ACVR1: variants seen among roughly 807,000 people sequenced by gnomAD.
ACVR1 encodes the protein activin A receptor type 1.
Under a neutral mutation model 57.1 loss-of-function variants are expected in ACVR1, and 38 were observed. The ratio of observed to expected loss-of-function variants is 0.67; its 90% CI spans 0.51 to 0.87. ACVR1 has a LOEUF of 0.87. Ranked by LOEUF, ACVR1 falls within the 40% of genes least tolerant of loss-of-function variation. ACVR1 has a pLI of 0.00. For missense variants in ACVR1, 463 were observed against 638.2 expected (o/e 0.73, Z 2.96); for synonymous variants, 212 against 228.1 (o/e 0.93, Z 0.63).
intron 9 of ACVR1, among the ~76,000 whole-genome samples, chr2:157,753,953 G>A (rs1026989976): frequency 2.0e-5 from 3 of 152,120 alleles, no homozygotes; most frequent in Non-Finnish European, 2.9e-5. Flanking sequence ...AACTCCAAAA[G>A]GAACCTTCAA....
intron 1 of ACVR1, among the ~76,000 whole-genome samples, chr2:157,823,672 T>C (rs1174980318): frequency 6.6e-6 from 1 of 151,816 alleles, no homozygotes; most frequent in Non-Finnish European, 1.5e-5. Flanking sequence ...GGGCCCGCTA[T>C]GGTTTACTTA....
At chr2:157,748,833 G>GA (rs1361902634) in intron 9 of ACVR1, among the ~76,000 whole-genome samples, 1 of 152,098 alleles carries the variant, frequency 6.6e-6, no homozygotes, top group Non-Finnish European at 1.5e-5. Context: ...CTACCTCACA[G>GA]AAAGTCCTCA....
At chr2:157,844,585 C>T (rs1380452868) in intron 1 of ACVR1, among the ~76,000 whole-genome samples, 1 of 152,166 alleles carries the variant, frequency 6.6e-6, no homozygotes. Context: ...TTTTACTTGA[C>T]ACTTTTCATT....
chr2:157,845,848 G>T (rs1480525340), intron 1 of ACVR1, among the ~76,000 whole-genome samples: 1 of 152,162 alleles, frequency 6.6e-6, no homozygotes, highest in Non-Finnish European at 1.5e-5. Flanking sequence ...TAGCCAATGG[G>T]GAGTCACCAA....
chr2:157,751,747 A>G (rs1439714553), intron 9 of ACVR1, among the ~76,000 whole-genome samples: 1 of 151,976 alleles, frequency 6.6e-6, no homozygotes, highest in Non-Finnish European at 1.5e-5. Flanking sequence ...TGGGAACATA[A>G]CTCCACTGAC....
chr2:157,741,922 T>A (rs1448579413), intron 9 of ACVR1, among the ~76,000 whole-genome samples: 4 of 151,924 alleles, frequency 2.6e-5, no homozygotes, highest in Admixed American at 6.5e-5. Context: ...GCAGAAAAGA[T>A]GACAGGGAAG....
chr2:157,743,591 A>T (rs775800501), intron 9 of ACVR1, among the ~76,000 whole-genome samples: 2 of 152,056 alleles, frequency 1.3e-5, no homozygotes, highest in Middle Eastern at 3.4e-3. Context: ...TTTACATTTT[A>T]TAAAGGTAAT....
chr2:157,829,472 C>T (rs1688507284), intron 1 of ACVR1, among the ~76,000 whole-genome samples: 1 of 152,214 alleles, frequency 6.6e-6, no homozygotes, highest in African/African-American at 2.4e-5. Context: ...GTAACGCTCA[C>T]TAGTGCCTCT....
At chr2:157,830,465 G>A (rs1688542691) in intron 1 of ACVR1, among the ~76,000 whole-genome samples, 1 of 152,054 alleles carries the variant, frequency 6.6e-6, no homozygotes, top group South Asian at 2.1e-4. Flanking sequence ...TATAGACAAA[G>A]AGAACTACCA....
intron 1 of ACVR1, among the ~76,000 whole-genome samples, chr2:157,834,841 C>T (rs1387923464): frequency 4.6e-5 from 7 of 152,084 alleles, no homozygotes; most frequent in Middle Eastern, 3.4e-3. Context: ...GATGAGTGCC[C>T]CTGTGGATTT....
At chr2:157,758,234 C>A (rs1685508740) in intron 9 of ACVR1, among the ~76,000 whole-genome samples, 1 of 151,880 alleles carries the variant, frequency 6.6e-6, no homozygotes, top group Non-Finnish European at 1.5e-5. Flanking sequence ...AAAGAGACCA[C>A]AAAAGGTCAG....
At chr2:157,811,578 C>T (rs1687754116) in intron 2 of ACVR1, among the ~76,000 whole-genome samples, 2 of 152,168 alleles carry the variant, frequency 1.3e-5, no homozygotes, top group Non-Finnish European at 2.9e-5. Context: ...TTATTTCCTC[C>T]ATTCCCATTT....
At chr2:157,810,904 C>T (rs547404747) in intron 2 of ACVR1, among the ~76,000 whole-genome samples, 4 of 152,298 alleles carry the variant, frequency 2.6e-5, no homozygotes, top group South Asian at 2.1e-4. Context: ...TAAGGTTCTA[C>T]GTCGTTTTAG....
intron 8 of ACVR1, among the ~76,000 whole-genome samples, chr2:157,764,876 A>G (rs939928666): frequency 6.6e-6 from 1 of 152,164 alleles, no homozygotes; most frequent in African/African-American, 2.4e-5. Context: ...TAATTTCTCA[A>G]TGTAAAAGCA....
At chr2:157,793,208 C>T (rs1686986092) in intron 3 of ACVR1, among the ~76,000 whole-genome samples, 2 of 152,176 alleles carry the variant, frequency 1.3e-5, no homozygotes, top group Admixed American at 1.3e-4. Context: ...CTGCACTGCA[C>T]ACTGTTGACC....
chr2:157,798,105 CCGT>C (rs1388542826), intron 3 of ACVR1, among the ~76,000 whole-genome samples: 1 of 152,180 alleles, frequency 6.6e-6, no homozygotes, highest in Non-Finnish European at 1.5e-5. Flanking sequence ...CAAGACATGG[CCGT>C]TGCACTACAA....
At chr2:157,763,876 C>T (rs892426833) in intron 8 of ACVR1, among the ~76,000 whole-genome samples, 16 of 152,206 alleles carry the variant, frequency 1.1e-4, no homozygotes, top group African/African-American at 3.4e-4. Flanking sequence ...TGAATAATAA[C>T]GCCTTAACAG....
intron 9 of ACVR1, among the ~76,000 whole-genome samples, chr2:157,739,497 A>G (rs1319766343): frequency 6.6e-6 from 1 of 152,218 alleles, no homozygotes; most frequent in Admixed American, 6.5e-5. Context: ...AAACCAAGAC[A>G]TCTATTATTT....
At chr2:157,860,768 T>C (rs1487138488) in intron 1 of ACVR1, among the ~76,000 whole-genome samples, 6 of 151,962 alleles carry the variant, frequency 3.9e-5, no homozygotes, top group African/African-American at 1.5e-4. Flanking sequence ...AAAAAAAAAA[T>C]CCAATCTCCT....
Sources: gnomAD v4.1 joint callset for allele counts (sites outside exome capture counted in the v4.1 genomes callset) on GRCh38, gnomAD v4.1.1 for gene constraint, MANE v1.5 for transcripts, NCBI Gene and HGNC (gene_info 2026-07-23, HGNC 2026-07-21) for gene names.